FGGY: variants seen among roughly 807,000 people sequenced by gnomAD.
FGGY encodes FGGY carbohydrate kinase domain containing, also known as FGGY carbohydrate kinase domain-containing protein.
A neutral mutation model predicts 71.3 loss-of-function variants in FGGY; 72 were observed. The ratio of observed to expected loss-of-function variants is 1.01; its 90% CI spans 0.84 to 1.23. The LOEUF (loss-of-function observed/expected upper bound fraction) is 1.23. Ranked by LOEUF, FGGY falls within the 50% of genes most tolerant of loss-of-function variation. The probability of loss-of-function intolerance (pLI) is 0.00; values close to 1 mark genes in which losing one functional copy is unlikely to be tolerated. For synonymous variants in FGGY, 251 were observed against 250.3 expected, an observed-to-expected ratio of 1.00 and a Z score of -0.02; for missense variants, 668 against 682.3, an observed-to-expected ratio of 0.98 and a Z score of 0.23.
intron 5 of FGGY, among the ~76,000 whole-genome samples, chr1:59,421,244 C>G (rs2065357544): frequency 6.6e-6 from 1 of 152,112 alleles, no homozygotes; most frequent in Non-Finnish European, 1.5e-5. Flanking sequence ...CAAACAACAA[C>G]TGTTAAGAAA....
chr1:59,322,954 G>T (rs905261754), intron 2 of FGGY, among the ~76,000 whole-genome samples: 38 of 152,122 alleles, frequency 2.5e-4, no homozygotes, highest in African/African-American at 8.9e-4. Context: ...TGTCCCTATT[G>T]ATCAGTCTGT....
chr1:59,313,820 G>A (rs191955333), intron 1 of FGGY, among the ~76,000 whole-genome samples: 7 of 152,220 alleles, frequency 4.6e-5, no homozygotes, highest in East Asian at 1.9e-4. Flanking sequence ...GAGCGGGAAG[G>A]GAGTGAGGGA....
chr1:59,395,754 C>T (rs1469047902), intron 5 of FGGY, among the ~76,000 whole-genome samples: 1 of 152,118 alleles, frequency 6.6e-6, no homozygotes, highest in Non-Finnish European at 1.5e-5. Flanking sequence ...GATAAAGAAA[C>T]AGACTCAAAA....
intron 6 of FGGY, among the ~76,000 whole-genome samples, chr1:59,511,017 C>G (rs1194225941): frequency 6.6e-6 from 1 of 152,206 alleles, no homozygotes; most frequent in Non-Finnish European, 1.5e-5. Flanking sequence ...AGCCATACTT[C>G]AAGTGCTCAG....
chr1:59,612,857 A>G (rs974180460), intron 9 of FGGY, among the ~76,000 whole-genome samples: 1 of 152,230 alleles, frequency 6.6e-6, no homozygotes, highest in African/African-American at 2.4e-5. Flanking sequence ...CTAGTCTCTG[A>G]TAAAACAGAC....
chr1:59,663,331 G>A (rs1473577164), intron 12 of FGGY, among the ~76,000 whole-genome samples: 1 of 152,174 alleles, frequency 6.6e-6, no homozygotes, highest in Non-Finnish European at 1.5e-5. Context: ...TGATCTGTTT[G>A]TAAAAGCTAC....
intron 6 of FGGY, chr1:59,474,168 A>G (rs951100831): frequency 1.3e-5 from 2 of 152,252 alleles, no homozygotes; most frequent in African/African-American, 2.4e-5. Flanking sequence ...CAGAAGGGCA[A>G]AGGAGTAACA....
intron 6 of FGGY, among the ~76,000 whole-genome samples, chr1:59,461,515 G>T (rs545713415): frequency 2.0e-5 from 3 of 152,148 alleles, no homozygotes; most frequent in Non-Finnish European, 2.9e-5. Flanking sequence ...TTATCCAGGA[G>T]AACTTCCCTA....
chr1:59,538,891 T>C (rs1018471824), intron 7 of FGGY, among the ~76,000 whole-genome samples: 1 of 151,236 alleles, frequency 6.6e-6, no homozygotes, highest in East Asian at 2.0e-4. Flanking sequence ...ATATACCTAA[T>C]GCTAGATGAG....
chr1:59,663,361 A>T (rs150256561), intron 12 of FGGY, among the ~76,000 whole-genome samples: 1 of 152,238 alleles, frequency 6.6e-6, no homozygotes, highest in Non-Finnish European at 1.5e-5. Context: ...ATAAGCTTTC[A>T]GATATTCCTA....
chr1:59,435,078 A>G (rs1021421793), intron 5 of FGGY, among the ~76,000 whole-genome samples: 1 of 152,198 alleles, frequency 6.6e-6, no homozygotes, highest in African/African-American at 2.4e-5. Context: ...AATTAGTGAG[A>G]CAATGAGAAT....
intron 6 of FGGY, among the ~76,000 whole-genome samples, chr1:59,468,872 TAAAAAAAAAAAA>T (rs397967555): frequency 0.078 from 9,322 of 119,576 alleles, 453 homozygotes; most frequent in Admixed American, 0.1. Flanking sequence ...ACTCTGTCTT[TAAAAAAAAAAAA>T]AAAAAAAAAG....
intron 2 of FGGY, among the ~76,000 whole-genome samples, chr1:59,338,292 G>T (rs2049998130): frequency 1.3e-5 from 2 of 152,078 alleles, no homozygotes; most frequent in African/African-American, 4.8e-5. Context: ...TTAGTCTGTA[G>T]TGTCCTTTTC....
chr1:59,375,872 T>G (rs1332249679), intron 4 of FGGY, among the ~76,000 whole-genome samples: 1 of 145,886 alleles, frequency 6.9e-6, no homozygotes, highest in Non-Finnish European at 1.5e-5. Flanking sequence ...ACACAAGATC[T>G]AAAGTAGTTT....
At chr1:59,344,334 T>C (rs1359004043) in intron 3 of FGGY, among the ~76,000 whole-genome samples, 1 of 151,906 alleles carries the variant, frequency 6.6e-6, no homozygotes, top group Non-Finnish European at 1.5e-5. Context: ...ATTTTAAACA[T>C]TCTTTTCAAA....
chr1:59,297,625 A>G (rs1021189662), intron 1 of FGGY, among the ~76,000 whole-genome samples: 3 of 152,048 alleles, frequency 2.0e-5, no homozygotes, highest in African/African-American at 7.2e-5. Flanking sequence ...GATCGAGACC[A>G]TCCAGGCTAA....
intron 11 of FGGY, among the ~76,000 whole-genome samples, chr1:59,654,441 A>T (rs1397513322): frequency 1.3e-5 from 2 of 152,162 alleles, no homozygotes; most frequent in East Asian, 1.9e-4. Flanking sequence ...GGATACCCCC[A>T]TCAAGCTCTG....
chr1:59,349,875 G>T (rs1479198855), intron 4 of FGGY, among the ~76,000 whole-genome samples: 1 of 152,160 alleles, frequency 6.6e-6, no homozygotes, highest in Non-Finnish European at 1.5e-5. Flanking sequence ...GTAGCTTTGG[G>T]ATAGGGACTG....
chr1:59,612,273 G>A (rs945110813), intron 9 of FGGY, among the ~76,000 whole-genome samples: 25 of 152,204 alleles, frequency 1.6e-4, no homozygotes, highest in Non-Finnish European at 2.6e-4. Flanking sequence ...ACAAAAGGAA[G>A]CCCATCAGAC....
Sources: gnomAD v4.1 joint callset for allele counts (sites outside exome capture counted in the v4.1 genomes callset) on GRCh38, gnomAD v4.1.1 for gene constraint, MANE v1.5 for transcripts, NCBI Gene and HGNC (gene_info 2026-07-23, HGNC 2026-07-21) for gene names.